The following MTA3 variants were observed in gnomAD, a reference collection of about 807,000 sequenced individuals.
MTA3 encodes the protein metastasis-associated protein MTA3.
MTA3 carries 34 observed loss-of-function variants against 83.5 expected under a neutral mutation model. The ratio of observed to expected loss-of-function variants is 0.41; its 90% confidence interval spans 0.31 to 0.54. The LOEUF is 0.54. MTA3 is among the 20% of genes least tolerant of loss of function. The pLI is 0.33. For synonymous variants in MTA3, 303 were observed against 252.7 expected (o/e 1.20, Z -1.89); for missense variants, 761 against 726.4 (o/e 1.05, Z -0.55).
chr2:42,635,688 AT>A lies in MTA3; in HGVS notation c.318-4484del, dbSNP rs200918707. Among the ~76,000 whole-genome samples, 497 of 152,266 alleles carry A rather than the reference AT, an allele frequency of 3.3e-3. 1 individual carries two copies. Among genetic ancestry groups the A allele is most frequent in the African/African-American group, 0.011 (442 of 41,572 alleles). On this transcript the variant is annotated intron_variant, in intron 4 of 16. Transcript: ENST00000405094. ...TAAGACTTGTAAAGTCAATAAAAAAATGTCTTTCTTTAATGAAGCAATAATA... is the reference window on the plus strand; with the variant it reads ...TAAGACTTGTAAAGTCAATAAAAAAAGTCTTTCTTTAATGAAGCAATAATA...
intron 16 of MTA3, among the ~76,000 whole-genome samples, chr2:42,734,593 A>G (rs1051125089): frequency 1.3e-5 from 2 of 148,650 alleles, no homozygotes; most frequent in African/African-American, 5.0e-5. Context: ...CATTTTTAAA[A>G]TTTGTTTTCT....
At chr2:42,619,539 A>G (rs2104176591) in intron 4 of MTA3, among the ~76,000 whole-genome samples, 1 of 152,306 alleles carries the variant, frequency 6.6e-6, no homozygotes, top group East Asian at 1.9e-4. Flanking sequence ...GAATTAAAGA[A>G]AAGTTAAATA....
chr2:42,673,343 A>G (rs12712858), intron 8 of MTA3, among the ~76,000 whole-genome samples: 103,399 of 152,046 alleles, frequency 0.68, 35,520 homozygotes, highest in African/African-American at 0.79. Flanking sequence ...AAATCAGTAC[A>G]GATGGCCCTC....
chr2:42,511,002 T>A (rs540798752), intron 2 of MTA3, among the ~76,000 whole-genome samples: 52 of 152,296 alleles, frequency 3.4e-4, no homozygotes, highest in African/African-American at 1.2e-3. Flanking sequence ...AGGAGTTAGC[T>A]TTCAAAAACA....
chr2:42,726,977 G>C (rs2104553020), intron 16 of MTA3, among the ~76,000 whole-genome samples: 1 of 152,312 alleles, frequency 6.6e-6, no homozygotes, highest in East Asian at 1.9e-4. Flanking sequence ...AGGCTCACTT[G>C]AGCCCAGAAT....
At chr2:42,546,089 C>T (rs1325399919) in intron 2 of MTA3, among the ~76,000 whole-genome samples, 1 of 152,102 alleles carries the variant, frequency 6.6e-6, no homozygotes, top group Non-Finnish European at 1.5e-5. Context: ...CTTTAGATAA[C>T]CTGGTAGGGA....
chr2:42,497,206 G>A (rs988750876), intron 2 of MTA3, among the ~76,000 whole-genome samples: 4 of 151,438 alleles, frequency 2.6e-5, no homozygotes, highest in Non-Finnish European at 4.4e-5. Context: ...AACTCCTCTT[G>A]AAACTAGAGG....
intron 3 of MTA3, among the ~76,000 whole-genome samples, chr2:42,582,660 G>A (rs113571610): frequency 6.6e-6 from 1 of 152,120 alleles, no homozygotes; most frequent in African/African-American, 2.4e-5. Flanking sequence ...ATAGTGAGAG[G>A]AAATGATTTT....
chr2:42,662,801 G>A (rs1689850609), intron 8 of MTA3, among the ~76,000 whole-genome samples: 2 of 149,618 alleles, frequency 1.3e-5, no homozygotes, highest in Admixed American at 1.3e-4. Flanking sequence ...GTGCGATCTC[G>A]GCTCACTGCA....
rs1204574058 is a variant in MTA3 at position 42,704,251 on chromosome 2, T to G, written c.1083T>G (p.Asn361Lys). The G allele has an allele frequency of 6.2e-7, 1 of 1,614,028 alleles. No individual in the cohort carries two copies. The highest frequency in any genetic ancestry group is 1.1e-5 in the South Asian group (1 of 91,088). ...GTAATGGGAAGCCTGGTGCTGTGAATGGAGCTGTGGGGACCACGTTCCAGC... is the reference window on the plus strand; with the variant it reads ...GTAATGGGAAGCCTGGTGCTGTGAAGGGAGCTGTGGGGACCACGTTCCAGC... ...STSNGKPGAV[N>K]GAVGTTFQPQ... The change falls in exon 12 of 17, where the codon AAT (asparagine) becomes AAG (lysine). Residue 361 changes from asparagine (N) to lysine (K), a missense_variant. Asn to Lys is a moderately conservative substitution (Grantham distance 94). Coordinates refer to ENST00000405094, the MANE Select transcript of MTA3 (RefSeq NM_001330442.2).
intron 9 of MTA3, among the ~76,000 whole-genome samples, chr2:42,688,372 C>G (rs1299040490): frequency 6.6e-6 from 1 of 152,232 alleles, no homozygotes; most frequent in African/African-American, 2.4e-5. Flanking sequence ...GCGTGAGCCA[C>G]TGCACCTGAC....
At chr2:42,723,858 G>T (rs1667610548) in intron 16 of MTA3, among the ~76,000 whole-genome samples, 1 of 152,112 alleles carries the variant, frequency 6.6e-6, no homozygotes, top group African/African-American at 2.4e-5. Flanking sequence ...GCAAGGATGT[G>T]GAGTAGACCT....
chr2:42,538,569 G>A (rs147814011), intron 2 of MTA3, among the ~76,000 whole-genome samples: 5,945 of 151,560 alleles, frequency 0.039, 152 homozygotes, highest in South Asian at 0.09. Context: ...TTAGCTGGGC[G>A]TGGTAGTGGG....
In MTA3 at chr2:42,708,969, A is replaced by T; in HGVS notation, c.1398A>T (p.Gln466His). ...GSPKSAVKTRQAFFLHTTYFT... is the reference protein window; with the variant it reads ...GSPKSAVKTRHAFFLHTTYFT... ...CAAAGTCTGCAGTGAAGACCCGCCA[A>T]GCTTTCTTCCTTCATACTACATATT... The change falls in exon 14 of 17, where the codon CAA (glutamine) becomes CAT (histidine). Residue 466 changes from glutamine to histidine, a missense_variant. Transcript: ENST00000405094. 6.2e-7 allele frequency: 1 copy of T among 1,614,038 alleles called. No homozygotes were observed. The highest frequency in any genetic ancestry group is 8.5e-7 in the Non-Finnish European group (1 of 1,179,896).
intron 2 of MTA3, among the ~76,000 whole-genome samples, chr2:42,535,476 C>G (rs889336155): frequency 2.0e-5 from 3 of 152,048 alleles, no homozygotes; most frequent in African/African-American, 7.2e-5. Context: ...ATCTTGAACT[C>G]TTGGCCTCCC....
intron 14 of MTA3, 40 bp from the exon 15 acceptor site, chr2:42,718,948 C>A (rs965608696): frequency 1.4e-6 from 2 of 1,450,074 alleles, no homozygotes; most frequent in Non-Finnish European, 1.9e-6. Context: ...CTAGAGAAAT[C>A]CATTTCATTG....
upstream of MTA3, among the ~76,000 whole-genome samples, chr2:42,565,228 C>T (rs971522869): frequency 6.6e-6 from 1 of 151,960 alleles, no homozygotes; most frequent in Admixed American, 6.6e-5. Flanking sequence ...GCTCTATTAC[C>T]CAGGCTAGAG....
intron 3 of MTA3, among the ~76,000 whole-genome samples, chr2:42,583,741 C>CTGG (rs1376979872): frequency 6.6e-6 from 1 of 151,666 alleles, no homozygotes; most frequent in Non-Finnish European, 1.5e-5. Context: ...GTTGGCCAGG[C>CTGG]TGGTCTCCAA....
chr2:42,729,031 A>G (rs1017657666), intron 16 of MTA3, among the ~76,000 whole-genome samples: 3 of 150,376 alleles, frequency 2.0e-5, no homozygotes, highest in Admixed American at 6.6e-5. Flanking sequence ...ATTTGCCCAG[A>G]ACAATGTCCT....
Sources: allele counts gnomAD v4.1 joint callset (sites outside exome capture counted in the v4.1 genomes callset), GRCh38; gene constraint gnomAD v4.1.1; transcripts MANE v1.5; gene names NCBI Gene and HGNC (gene_info 2026-07-23, HGNC 2026-07-21).